Variants in RAB9A observed in about 807,000 individuals in gnomAD.
The protein encoded by RAB9A is ras-related protein Rab-9A.
Under a neutral mutation model 10.3 loss-of-function variants are expected in RAB9A, and 1 was observed. The observed-to-expected ratio is 0.10, with a 90% CI of 0.03 to 0.46. The LOEUF is 0.46. Among genes scored for constraint, RAB9A ranks in the 20% least tolerant of loss-of-function variants. RAB9A has a pLI of 0.96. For synonymous variants in RAB9A, 39 were observed against 55.2 expected (o/e 0.71, Z 1.30); for missense variants, 92 against 150.3 (o/e 0.61, Z 2.03).
intron 1 of RAB9A, among the ~76,000 whole-genome samples, chrX:13,698,190 C>CTTTTTTTTTTTTTTTT (rs67802719): frequency 1.3e-4 from 5 of 38,320 alleles, no homozygotes; most frequent in African/African-American, 2.8e-4. Flanking sequence ...TCTTTTTTTT[C>CTTTTTTTTTTTTTTTT]TTTTTTTTTT....
At position 13,689,222 on chromosome X, in the gene RAB9A, C is replaced by G. The variant is rs781598290; in HGVS notation, c.-182C>G. 8.8e-6 allele frequency: 1 copy of G among 113,512 alleles called. No individual in the cohort carries two copies. Among genetic ancestry groups the G allele is most frequent in the Admixed American group, 9.2e-5 (1 of 10,919 alleles). The allele number at this position is 113,512 out of a possible 1,213,427, so 9.4% of individuals were successfully genotyped here. A position where few individuals can be genotyped will look rare whatever the true frequency, so the allele number is the denominator to read the frequency against. ...CTGCTGTGCAGGTCCCCGACCCTCT[C>G]TCTGTCCTCATTGCGCCCAGACGGG... is the stretch of plus-strand genomic sequence containing the variant. On this transcript the variant is annotated 5_prime_UTR_variant, in exon 1 of 3. Transcript: ENST00000464506.
chrX:13,706,650 C>T (rs2046198975), intron 2 of RAB9A, among the ~76,000 whole-genome samples: 1 of 109,255 alleles, frequency 9.2e-6, no homozygotes, highest in Non-Finnish European at 1.9e-5. Flanking sequence ...CTGCCCGCCT[C>T]AGCCTCCCCA....
At chrX:13,705,563 T>C (rs909080170) in intron 2 of RAB9A, among the ~76,000 whole-genome samples, 2 of 111,813 alleles carry the variant, frequency 1.8e-5, no homozygotes, top group Non-Finnish European at 3.8e-5. Context: ...ATGCAACCAA[T>C]AGTCTGGGTG....
rs2046185565 is a variant in RAB9A, at chrX:13,703,874, T to A, written c.-55T>A. On this transcript the variant is annotated 5_prime_UTR_variant, in exon 2 of 3. The change abolishes the stop of an existing upstream ORF in the 5' untranslated region. Coordinates refer to ENST00000464506, the MANE Select transcript of RAB9A (RefSeq NM_004251.5). ...GATGAAACACTTTTCCCGTGTCGTT[T>A]GAGTGCATCTTCTCAACAACCCTAG... The A allele has an allele frequency of 8.9e-6, 1 of 112,396 alleles. No homozygotes were observed. The highest frequency in any genetic ancestry group is 3.2e-5 in the African/African-American group (1 of 30,899). The allele number at this position is 112,396 out of a possible 1,213,427, so 9.3% of individuals were successfully genotyped here. A position where few individuals can be genotyped will look rare whatever the true frequency, so the allele number is the denominator to read the frequency against.
At position 13,707,280 on chromosome X, in the gene RAB9A, A is replaced by C. The variant is rs138324380; in HGVS notation, c.-26-1441A>C. On this transcript the variant is annotated intron_variant, in intron 2 of 2. Coordinates refer to ENST00000464506, the MANE Select transcript of RAB9A (RefSeq NM_004251.5). ...TTATATACATTTTAGTATACTTAAA[A>C]ACCATTTAATACTAAAGTACAGATT... Among the ~76,000 whole-genome samples the C allele has an allele frequency of 8.0e-4, 90 of 111,977 alleles. No individual in the cohort carries two copies. In the East Asian group the frequency reaches 0.019, roughly 24 times the overall value.
chrX:13,692,112 G>C (rs2046127945), intron 1 of RAB9A, among the ~76,000 whole-genome samples: 1 of 110,268 alleles, frequency 9.1e-6, no homozygotes, highest in Non-Finnish European at 1.9e-5. Flanking sequence ...AGACCAGCCT[G>C]GGCAACATAG....
At chrX:13,702,934 A>G (rs1438749360) in intron 1 of RAB9A, among the ~76,000 whole-genome samples, 3 of 112,015 alleles carry the variant, frequency 2.7e-5, no homozygotes, top group African/African-American at 9.7e-5. Flanking sequence ...CAATCGTTCT[A>G]CCAAATGGTA....
At chrX:13,703,158 C>A (rs1446402784) in intron 1 of RAB9A, among the ~76,000 whole-genome samples, 1 of 112,446 alleles carries the variant, frequency 8.9e-6, no homozygotes, top group Non-Finnish European at 1.9e-5. Flanking sequence ...TTTCATTCTA[C>A]CTGCAGCAAC....
chrX:13,703,311 G>A (rs767716225), intron 1 of RAB9A, among the ~76,000 whole-genome samples: 6 of 112,047 alleles, frequency 5.4e-5, no homozygotes, highest in African/African-American at 1.6e-4. Flanking sequence ...GAGCATGTAT[G>A]TAACCTCTCT....
chrX:13,704,545 G>C (rs1157595839), intron 2 of RAB9A, among the ~76,000 whole-genome samples: 2 of 110,291 alleles, frequency 1.8e-5, no homozygotes, highest in African/African-American at 6.6e-5. Flanking sequence ...AATGATGCTT[G>C]AATTGAACAA....
chrX:13,708,985 C>T lies in RAB9A; in HGVS notation c.239C>T (p.Ser80Phe). The T allele has an allele frequency of 8.3e-7, 1 of 1,211,767 alleles. No homozygotes were observed. The highest frequency in any genetic ancestry group is 1.1e-6 in the Non-Finnish European group (1 of 895,556). Reference sequence around the variant, plus strand: ...CTGAGGACACCATTTTACAGAGGTTCTGACTGCTGCCTGCTTACTTTTAGT... The same window carrying T: ...CTGAGGACACCATTTTACAGAGGTTTTGACTGCTGCCTGCTTACTTTTAGT... ...RSLRTPFYRG[S>F]DCCLLTFSVD... is the part of the protein sequence containing the mutation. Residue 80 changes from serine (S) to phenylalanine (F), a missense_variant, in exon 3 of 3, where the codon TCT (serine) becomes TTT (phenylalanine). Coordinates refer to ENST00000464506, the MANE Select transcript of RAB9A (RefSeq NM_004251.5).
intron 2 of RAB9A, among the ~76,000 whole-genome samples, chrX:13,708,239 G>C (rs1460147630): frequency 9.2e-6 from 1 of 108,819 alleles, no homozygotes; most frequent in East Asian, 2.9e-4. Flanking sequence ...TGGGAGGATT[G>C]CTTGAGCCTG....
At chrX:13,704,853 C>T (rs930220291) in intron 2 of RAB9A, among the ~76,000 whole-genome samples, 1 of 111,623 alleles carries the variant, frequency 9.0e-6, no homozygotes, top group East Asian at 2.8e-4. Context: ...CTCCTGACCT[C>T]AAGTGATCTG....
chrX:13,690,781 A>G (rs1759053370), intron 1 of RAB9A, among the ~76,000 whole-genome samples: 2 of 111,387 alleles, frequency 1.8e-5, no homozygotes, highest in African/African-American at 6.5e-5. Context: ...TACGTACATC[A>G]TTTTATTTAA....
chrX:13,691,583 C>T lies in RAB9A; in HGVS notation c.-116+2295C>T, dbSNP rs183403204. On this transcript the variant is annotated intron_variant, in intron 1 of 2. Transcript: ENST00000464506. ...GCTGAGGCAGGAGAATCGCTTGAAC[C>T]TGGGAGGCAGAGGTTGCAGTGAGCC... Among the ~76,000 whole-genome samples, 619 of 94,799 alleles carry T rather than the reference C, an allele frequency of 6.5e-3. 6 individuals carry two copies. Among genetic ancestry groups the T allele is most frequent in the African/African-American group, 0.024 (588 of 24,861 alleles). 82.3% of individuals were successfully genotyped at this position (94,799 alleles called of 115,157 possible). A position where few individuals can be genotyped will look rare whatever the true frequency, so the allele number is the denominator to read the frequency against.
chrX:13,696,391 C>T (rs2046148181), intron 1 of RAB9A, among the ~76,000 whole-genome samples: 1 of 110,478 alleles, frequency 9.1e-6, no homozygotes, highest in Admixed American at 9.6e-5. Context: ...CACTGCCCTC[C>T]AGCCTGGGTG....
intron 1 of RAB9A, among the ~76,000 whole-genome samples, chrX:13,702,204 T>C (rs898710325): frequency 3.6e-5 from 4 of 111,721 alleles, no homozygotes; most frequent in Non-Finnish European, 5.6e-5. Context: ...GGGCCAGGCT[T>C]CTTTGGCAGG....
intron 2 of RAB9A, among the ~76,000 whole-genome samples, chrX:13,708,485 C>CT (rs1490138311): frequency 9.0e-6 from 1 of 111,353 alleles, no homozygotes; most frequent in Non-Finnish European, 1.9e-5. Flanking sequence ...TGAGTGCCAG[C>CT]TTCACAGTCA....
intron 1 of RAB9A, among the ~76,000 whole-genome samples, chrX:13,690,622 A>G (rs2046116608): frequency 9.0e-6 from 1 of 111,682 alleles, no homozygotes; most frequent in Non-Finnish European, 1.9e-5. Flanking sequence ...TTCTATCTCA[A>G]CCATTTCTTC....
Sources: gnomAD v4.1 joint callset for allele counts (sites outside exome capture counted in the v4.1 genomes callset) on GRCh38, gnomAD v4.1.1 for gene constraint, MANE v1.5 for transcripts, NCBI Gene and HGNC (gene_info 2026-07-23, HGNC 2026-07-21) for gene names.